IL18BP: variants seen among roughly 807,000 people sequenced by gnomAD.
The protein encoded by IL18BP is interleukin 18 binding protein, also known as interleukin-18-binding protein.
A neutral mutation model predicts 19.9 loss-of-function variants in IL18BP; 23 were observed. The observed-to-expected ratio is 1.15, with a 90% CI of 0.83 to 1.64. The LOEUF is 1.64. IL18BP is among the 40% of genes most tolerant of loss of function. The probability of loss-of-function intolerance (pLI) is 0.00; values close to 1 mark genes in which losing one functional copy is unlikely to be tolerated. For synonymous variants in IL18BP, 107 were observed against 101.0 expected (o/e 1.06, Z -0.35); for missense variants, 239 against 240.7 (o/e 0.99, Z 0.05).
chr11:72,005,102 C>T (rs1224580539), downstream of IL18BP: 2 of 1,094,552 alleles, frequency 1.8e-6, no homozygotes, highest in African/African-American at 1.6e-5. Context: ...CACCTGGAAA[C>T]ATGAGAAGGT....
chr11:72,003,849 C>CA (rs766079389), downstream of IL18BP: 2 of 1,603,538 alleles, frequency 1.2e-6, no homozygotes, highest in Non-Finnish European at 1.7e-6. Flanking sequence ...CCCATGCTCT[C>CA]ATCGGGTTTC....
downstream of IL18BP, chr11:72,007,381 T>G: frequency 6.2e-7 from 1 of 1,613,740 alleles, no homozygotes. Flanking sequence ...GGGAGATAGG[T>G]GAGGCTGGTT....
chr11:72,001,869 C>A lies in IL18BP; in HGVS notation c.*8C>A. The A allele has an allele frequency of 6.2e-7, 1 of 1,614,164 alleles. No individual in the cohort carries two copies. The highest frequency in any genetic ancestry group is 8.5e-7 in the Non-Finnish European group (1 of 1,180,004). On this transcript the variant is annotated 3_prime_UTR_variant, in exon 6 of 6. Transcript: ENST00000393703. ...CCACAGCAGCAGGGTTAAGACTCAG[C>A]ACAGGGCCAGCAGCAGCACAACCTT...
chr11:72,001,680 A>T, intron 5 of IL18BP, 104 bp from the exon 6 acceptor site: 1 of 1,611,010 alleles, frequency 6.2e-7, no homozygotes, highest in East Asian at 2.2e-5. Flanking sequence ...TCAGCCAGAC[A>T]AAAAGGAACT....
In IL18BP at chr11:72,001,119, G is replaced by T. The variant is rs938779689; in HGVS notation, c.236-82G>T. On this transcript the variant is annotated intron_variant, in intron 3 of 5. Transcript: ENST00000393703. ...GTTCCAGATGCATGGGGACTGGGGG[G>T]AGCTGGCAGGGAGGGCACAGCAGAG... is the stretch of plus-strand genomic sequence containing the variant. The T allele has an allele frequency of 9.0e-6, 14 of 1,548,106 alleles. No homozygotes were observed. The East Asian group carries it at 2.0e-4, about 23-fold the overall frequency.
rs370526341 is a variant in IL18BP, at chr11:72,000,060, T to C, written c.28+48T>C. On this transcript the variant is annotated intron_variant, in intron 2 of 5. Coordinates refer to ENST00000393703, the MANE Select transcript of IL18BP (RefSeq NM_001039660.2). ...GGCAGGCGGGGTAGGGTGAGGTCTA[T>C]GAACAGAATGGAGCAATGGGCTAAC... is the stretch of plus-strand genomic sequence containing the variant. 8.1e-6 allele frequency: 13 copies of C among 1,603,582 alleles called. No homozygotes were observed. In the African/African-American group the frequency reaches 1.5e-4, roughly 18 times the overall value.
chr11:72,005,436 T>A, downstream of IL18BP: 4 of 1,523,480 alleles, frequency 2.6e-6, no homozygotes, highest in Non-Finnish European at 3.6e-6. Flanking sequence ...GGCCCTGGCA[T>A]CTTGCCAGCC....
downstream of IL18BP, chr11:72,004,541 A>T: frequency 7.7e-7 from 1 of 1,305,628 alleles, no homozygotes; most frequent in Non-Finnish European, 1.1e-6. Context: ...AGAGAGGGGG[A>T]AGTGAGGGAA....
chr11:72,000,633 C>A, intron 3 of IL18BP, 76 bp downstream of exon 3: 2 of 1,224,630 alleles, frequency 1.6e-6, no homozygotes, highest in South Asian at 1.3e-5. Flanking sequence ...GAGCGCCAGT[C>A]CCCTTCTGCC....
chr11:72,003,194 A>G (rs1167527842), downstream of IL18BP: 2 of 404,836 alleles, frequency 4.9e-6, no homozygotes, highest in African/African-American at 4.0e-5. Flanking sequence ...TCCAGAGGCT[A>G]AGAGGAAGAC....
At chr11:72,003,646 C>T, downstream of IL18BP, 4 of 1,417,046 alleles carry the variant, frequency 2.8e-6, no homozygotes, top group Non-Finnish European at 3.0e-6. Flanking sequence ...GGATCCCCTC[C>T]CTTGTGAGCC....
chr11:72,001,666 A>G (rs771350404), intron 5 of IL18BP, 114 bp downstream of exon 5: 1 of 1,606,294 alleles, frequency 6.2e-7, no homozygotes, highest in Non-Finnish European at 8.5e-7. Context: ...AGCATTCCTC[A>G]AGGTCAGCCA....
chr11:72,002,004 C>A lies in IL18BP; in HGVS notation c.*143C>A. On this transcript the variant is annotated 3_prime_UTR_variant, in exon 6 of 6. Transcript: ENST00000393703. ...TCCTTCTCTGCTTTGGGTCCCTTCT[C>A]TCACCAAATTCAAACTCCATTCCCA... 1 of 1,264,110 alleles carries A rather than the reference C, an allele frequency of 7.9e-7. No homozygotes were observed. The highest frequency in any genetic ancestry group is 1.1e-6 in the Non-Finnish European group (1 of 916,848). 78.3% of individuals were successfully genotyped at this position (1,264,110 alleles called of 1,614,324 possible).
chr11:72,002,558 A>G lies in IL18BP; in HGVS notation c.*697A>G, dbSNP rs1955326972. On this transcript the variant is annotated 3_prime_UTR_variant, in exon 6 of 6. Transcript: ENST00000393703. ...CCTGACATCTGTTCATTTAGGCTTCAGTTCCACTCCCAGGAACTTTGCCTG... is the reference window on the plus strand; with the variant it reads ...CCTGACATCTGTTCATTTAGGCTTCGGTTCCACTCCCAGGAACTTTGCCTG... The G allele has an allele frequency of 6.5e-6, 1 of 154,226 alleles. No individual in the cohort carries two copies. Among genetic ancestry groups the G allele is most frequent in the Non-Finnish European group, 1.4e-5 (1 of 69,252 alleles). The allele number at this position is 154,226 out of a possible 1,614,324, so 9.6% of individuals were successfully genotyped here. A position where few individuals can be genotyped will look rare whatever the true frequency, so the allele number is the denominator to read the frequency against.
chr11:72,006,399 G>A, downstream of IL18BP: 2 of 685,408 alleles, frequency 2.9e-6, no homozygotes, highest in East Asian at 2.8e-5. Context: ...CTTAAAGTGT[G>A]TGTCTGCAAG....
At chr11:71,999,475 C>A in intron 1 of IL18BP, 1 of 212,006 alleles carries the variant, frequency 4.7e-6, no homozygotes, top group East Asian at 1.3e-4. Flanking sequence ...GTCCCAGGAG[C>A]TGAAGGTTTC....
chr11:72,004,967 G>A (rs1379730157), downstream of IL18BP: 8 of 867,540 alleles, frequency 9.2e-6, no homozygotes, highest in Non-Finnish European at 1.4e-5. Flanking sequence ...CTCCTTTCCT[G>A]TTCTGCTTTC....
At chr11:72,003,314 T>C (rs1305047898), downstream of IL18BP, 4 of 592,502 alleles carry the variant, frequency 6.8e-6, no homozygotes, top group East Asian at 2.8e-5. Flanking sequence ...GCGCCCACAC[T>C]GTCCATGCTC....
chr11:72,001,542 C>T lies in IL18BP; in HGVS notation c.497C>T (p.Ala166Val). ...EQVVQRHVVL[A>V]QLWAGLRATL... ...GTTGTCCAGCGTCACGTCGTCCTGGCCCAGCTCTGGGTGAGGAGCCCAAGG... is the reference window on the plus strand; with the variant it reads ...GTTGTCCAGCGTCACGTCGTCCTGGTCCAGCTCTGGGTGAGGAGCCCAAGG... The change falls in exon 5 of 6, where the codon GCC becomes GTC. Residue 166 changes from alanine to valine, a missense_variant. By Grantham distance (64) the Ala-to-Val change is moderately conservative (BLOSUM62 0). Coordinates refer to ENST00000393703, the MANE Select transcript of IL18BP (RefSeq NM_001039660.2). 6.2e-7 allele frequency: 1 copy of T among 1,612,142 alleles called. No homozygotes were observed.
Sources: gnomAD v4.1 joint callset for allele counts on GRCh38, gnomAD v4.1.1 for gene constraint, MANE v1.5 for transcripts, NCBI Gene and HGNC (gene_info 2026-07-23, HGNC 2026-07-21) for gene names.